Variants in SNW1 observed in about 807,000 individuals in gnomAD.
SNW1 encodes SNW domain containing 1.
Under a neutral mutation model 75.6 loss-of-function variants are expected in SNW1, and 9 were observed. The observed-to-expected ratio is 0.12, with a 90% CI of 0.07 to 0.21. The LOEUF is 0.21. Ranked by LOEUF, SNW1 falls within the 10% of genes least tolerant of loss-of-function variation. The pLI is 1.00. For missense variants in SNW1, 409 were observed against 670.9 expected (o/e 0.61, Z 4.31); for synonymous variants, 200 against 219.1 (o/e 0.91, Z 0.77).
chr14:77,747,705 T>G (rs1317405469), intron 3 of SNW1, among the ~76,000 whole-genome samples: 1 of 141,934 alleles, frequency 7.0e-6, no homozygotes, highest in Admixed American at 6.8e-5. Flanking sequence ...AGGAGGGAGG[T>G]GCGGGGCAGC....
chr14:77,734,960 C>T lies in SNW1; in HGVS notation c.761G>A (p.Trp254Ter), dbSNP rs1348011919. ...CAACTTAATTACCTTTGCATTTTTC[C>T]AGTTAGAAATACAAGGAGGAATCTT... The part of the protein sequence containing the change: ...EWKIPPCISN[W>*]KNAKGYTIPL... The change falls in exon 8 of 14, where the codon TGG becomes TAG. Residue 254 changes from tryptophan to a stop codon, truncating the protein, a stop_gained. Coordinates refer to ENST00000261531, the MANE Select transcript of SNW1 (RefSeq NM_012245.3). LOFTEE classifies it high-confidence loss of function. The T allele has an allele frequency of 6.2e-7, 1 of 1,610,084 alleles. No individual in the cohort carries two copies. The highest frequency in any genetic ancestry group is 8.5e-7 in the Non-Finnish European group (1 of 1,176,726).
intron 10 of SNW1, among the ~76,000 whole-genome samples, chr14:77,725,097 G>T (rs1050338966): frequency 6.6e-6 from 1 of 152,156 alleles, no homozygotes; most frequent in African/African-American, 2.4e-5. Flanking sequence ...CTGATGATTA[G>T]TGATGCTGAA....
chr14:77,726,194 G>T (rs2080583494), intron 10 of SNW1, among the ~76,000 whole-genome samples: 1 of 152,106 alleles, frequency 6.6e-6, no homozygotes, highest in African/African-American at 2.4e-5. Flanking sequence ...TTTTGATAGG[G>T]ATTGCATTGT....
At chr14:77,738,234 G>T (rs542570757) in intron 5 of SNW1, among the ~76,000 whole-genome samples, 1 of 152,258 alleles carries the variant, frequency 6.6e-6, no homozygotes, top group South Asian at 2.1e-4. Flanking sequence ...TTGGGAGGCA[G>T]AGGTTACAGT....
chr14:77,747,243 C>T (rs2080767844), intron 3 of SNW1, among the ~76,000 whole-genome samples: 1 of 152,180 alleles, frequency 6.6e-6, no homozygotes, highest in Non-Finnish European at 1.5e-5. Flanking sequence ...GGCTGGAGTG[C>T]AGTGGCGTGA....
chr14:77,719,864 A>T (rs989224800), intron 12 of SNW1, among the ~76,000 whole-genome samples: 2 of 152,260 alleles, frequency 1.3e-5, no homozygotes, highest in African/African-American at 4.8e-5. Context: ...AGAAGAGCTT[A>T]CTTAAAACCT....
Position 77,746,234 on chromosome 14 carries a change from C to T in SNW1, c.330+5085G>A, listed in dbSNP as rs77581859. 7.3e-3 allele frequency among the ~76,000 whole-genome samples: 1,105 copies of T among 152,334 alleles called. 8 individuals carry two copies. The highest frequency in any genetic ancestry group is 0.025 in the African/African-American group (1,059 of 41,570). On this transcript the variant is annotated intron_variant, in intron 3 of 13. Coordinates refer to ENST00000261531, the MANE Select transcript of SNW1 (RefSeq NM_012245.3). ...CATAGAAAGATTTTAATTGTGCACA[C>T]TTGCGTGTATGTGTATATACATGAT... is the stretch of plus-strand genomic sequence containing the variant.
At chr14:77,750,519 G>T (rs1398596366) in intron 3 of SNW1, among the ~76,000 whole-genome samples, 3 of 152,206 alleles carry the variant, frequency 2.0e-5, no homozygotes, top group Non-Finnish European at 4.4e-5. Context: ...CAAAGGATGG[G>T]TTGTTAGTGC....
chr14:77,753,883 G>A (rs1400334711), intron 2 of SNW1, among the ~76,000 whole-genome samples: 1 of 151,638 alleles, frequency 6.6e-6, no homozygotes, highest in Non-Finnish European at 1.5e-5. Flanking sequence ...AACCCAGGAG[G>A]CGAAGGCTGC....
chr14:77,739,014 A>G lies in SNW1; in HGVS notation c.378T>C (p.Asn126=), dbSNP rs1165952147. The G allele has an allele frequency of 6.2e-7, 1 of 1,614,142 alleles. No homozygotes were observed. Among genetic ancestry groups the G allele is most frequent in the Admixed American group, 1.7e-5 (1 of 60,022 alleles). The change falls in exon 4 of 14, where the codon AAT becomes AAC. Residue 126 remains asparagine (N), a synonymous_variant. Transcript: ENST00000261531. ...GCCTTTGCAGGTCTGGATCATCTGC[A>G]TTCATAACCTCCTTTGGAACCAGGT... is the stretch of plus-strand genomic sequence containing the variant. ...YTDLVPKEVM[N]ADDPDLQRPD...
intron 10 of SNW1, among the ~76,000 whole-genome samples, chr14:77,724,393 A>G (rs905584948): frequency 2.0e-5 from 3 of 152,186 alleles, no homozygotes; most frequent in Non-Finnish European, 4.4e-5. Flanking sequence ...TCTTCTAGCT[A>G]TTTTGCAATA....
chr14:77,756,169 T>C (rs1349657295), intron 1 of SNW1, among the ~76,000 whole-genome samples: 3 of 151,888 alleles, frequency 2.0e-5, no homozygotes, highest in Non-Finnish European at 4.4e-5. Context: ...CGCCCAGCCT[T>C]GAGTGCAGTG....
At chr14:77,722,353 CTCTG>C (rs1012555403) in intron 11 of SNW1, 39 of 329,454 alleles carry the variant, frequency 1.2e-4, no homozygotes, top group Non-Finnish European at 1.6e-4. Flanking sequence ...TTATGGATAG[CTCTG>C]TCTTTCTGAA....
intron 3 of SNW1, among the ~76,000 whole-genome samples, chr14:77,740,804 CAAT>C (rs911943616): frequency 8.5e-5 from 13 of 152,110 alleles, no homozygotes; most frequent in African/African-American, 2.9e-4. Context: ...CGTATTAAAA[CAAT>C]AAAAACGGGG....
rs187763499 is a variant in SNW1, at chr14:77,737,963, G to T, written c.533+815C>A. Among the ~76,000 whole-genome samples the T allele has an allele frequency of 3.5e-3, 452 of 130,148 alleles. 4 individuals are homozygous for T. The Middle Eastern group carries it at 0.037, about 11-fold the overall frequency. The allele number at this position is 130,148 out of a possible 152,430, so 85.4% of individuals were successfully genotyped here. A position where few individuals can be genotyped will look rare whatever the true frequency, so the allele number is the denominator to read the frequency against. ...GCCAAGATTGTGCCACTGCATTCCA[G>T]CCTGGGTGACAGAGTGAGACTCCAT... On this transcript the variant is annotated intron_variant, in intron 5 of 13. Coordinates refer to ENST00000261531, the MANE Select transcript of SNW1 (RefSeq NM_012245.3).
intron 11 of SNW1, 68 bp from the exon 12 acceptor site, chr14:77,720,896 T>A (rs1429242803): frequency 4.3e-6 from 4 of 934,722 alleles, no homozygotes; most frequent in Non-Finnish European, 6.9e-6. Context: ...TCAATAGAAA[T>A]ACAACCAATC....
In SNW1 at chr14:77,718,086, GC is replaced by G; in HGVS notation, c.*1del. The G allele has an allele frequency of 6.4e-7, 1 of 1,573,496 alleles. No individual in the cohort carries two copies. Among genetic ancestry groups the G allele is most frequent in the Non-Finnish European group, 8.6e-7 (1 of 1,160,364 alleles). On this transcript the variant is annotated 3_prime_UTR_variant, in exon 14 of 14. Coordinates refer to ENST00000261531, the MANE Select transcript of SNW1 (RefSeq NM_012245.3). ...GTTCATTCACTTTGGAGAGACCTGT[GC>G]CTATTCCTTCCTCCTCTTCTTGCCT...
intron 3 of SNW1, among the ~76,000 whole-genome samples, chr14:77,742,088 A>G (rs1197118935): frequency 2.6e-5 from 4 of 151,826 alleles, no homozygotes; most frequent in Non-Finnish European, 5.9e-5. Flanking sequence ...CTGGAGTGCA[A>G]TGGCGTGATC....
intron 10 of SNW1, among the ~76,000 whole-genome samples, chr14:77,729,345 T>G (rs2080610526): frequency 6.6e-6 from 1 of 152,210 alleles, no homozygotes; most frequent in Admixed American, 6.5e-5. Context: ...TCCTACTTTT[T>G]TTCGTATCTC....
Sources: allele counts gnomAD v4.1 joint callset (sites outside exome capture counted in the v4.1 genomes callset), GRCh38; gene constraint gnomAD v4.1.1; transcripts MANE v1.5; gene names NCBI Gene and HGNC (gene_info 2026-07-23, HGNC 2026-07-21).